The following NAV3 variants were observed in gnomAD, a reference collection of about 807,000 sequenced individuals.
NAV3 encodes the protein pore membrane and/or filament interacting like protein 1.
NAV3 carries 87 observed loss-of-function variants against 244.7 expected under a neutral mutation model. The observed-to-expected ratio is 0.36, with a 90% CI of 0.30 to 0.42. The LOEUF is 0.42. Among genes scored for constraint, NAV3 ranks in the 20% least tolerant of loss-of-function variants. The pLI, the probability that NAV3 is intolerant of heterozygous loss-of-function variation, is 1.00. For missense variants in NAV3, 2,663 were observed against 2,893.3 expected (o/e 0.92, Z 1.83); for synonymous variants, 1,126 against 1,042.2 (o/e 1.08, Z -1.55).
At chr12:78,073,746 C>CA (rs997979688) in intron 12 of NAV3, among the ~76,000 whole-genome samples, 3 of 151,800 alleles carry the variant, frequency 2.0e-5, no homozygotes, top group African/African-American at 7.3e-5. Flanking sequence ...AATCCTAAGC[C>CA]AAAAAAACAA....
intron 20 of NAV3, among the ~76,000 whole-genome samples, chr12:78,145,963 A>G (rs118184265): frequency 0.04 from 6,069 of 152,138 alleles, 195 homozygotes; most frequent in South Asian, 0.13. Context: ...AGGTCTCTAT[A>G]ATTTTATGGA....
chr12:78,107,402 C>T (rs1247309432), intron 12 of NAV3, among the ~76,000 whole-genome samples: 1 of 152,062 alleles, frequency 6.6e-6, no homozygotes, highest in African/African-American at 2.4e-5. Flanking sequence ...GCTCAATGGT[C>T]CCCAGGCCGA....
chr12:78,136,393 C>G (rs544592930), intron 18 of NAV3, among the ~76,000 whole-genome samples: 1 of 152,136 alleles, frequency 6.6e-6, no homozygotes. Flanking sequence ...TCAACCAAAT[C>G]TTTCCTTAAA....
At chr12:77,586,092 G>T (rs922666782) in intron 2 of NAV3, among the ~76,000 whole-genome samples, 2 of 152,088 alleles carry the variant, frequency 1.3e-5, no homozygotes, top group African/African-American at 4.8e-5. Flanking sequence ...AACCCGGGAG[G>T]CGGAGCTTGC....
intron 2 of NAV3, among the ~76,000 whole-genome samples, chr12:77,785,642 T>C (rs1254146507): frequency 2.6e-5 from 4 of 152,104 alleles, no homozygotes; most frequent in African/African-American, 9.7e-5. Flanking sequence ...AACAAGAACA[T>C]TGCAGATATC....
chr12:77,703,173 C>A (rs540999219), intron 2 of NAV3, among the ~76,000 whole-genome samples: 1 of 152,150 alleles, frequency 6.6e-6, no homozygotes, highest in African/African-American at 2.4e-5. Flanking sequence ...TCTCAGACAT[C>A]TTTGAAGCCA....
At chr12:77,997,402 T>C (rs895529109) in intron 6 of NAV3, among the ~76,000 whole-genome samples, 1 of 152,116 alleles carries the variant, frequency 6.6e-6, no homozygotes, top group African/African-American at 2.4e-5. Context: ...GTCATTGAAA[T>C]TTTAAAGTGG....
At position 78,211,315 on chromosome 12, in the gene NAV3, C is replaced by T. The variant is rs1473952835; in HGVS notation, c.*798C>T. The T allele has an allele frequency of 6.6e-6, 1 of 152,544 alleles. No individual in the cohort carries two copies. The highest frequency in any genetic ancestry group is 1.5e-5 in the Non-Finnish European group (1 of 68,024). The allele number at this position is 152,544 out of a possible 1,614,324, so 9.4% of individuals were successfully genotyped here. On this transcript the variant is annotated 3_prime_UTR_variant, in exon 40 of 40. Coordinates refer to ENST00000397909, the MANE Select transcript of NAV3 (RefSeq NM_001024383.2). The stretch of plus-strand genomic sequence containing the variant: ...TGAGCCTTTTCAGTGAAAGAAGGAA[C>T]ATTTCCTATGGTGCTGTCTCACTGC...
intron 2 of NAV3, among the ~76,000 whole-genome samples, chr12:77,753,072 T>A (rs2135806081): frequency 6.6e-6 from 1 of 152,268 alleles, no homozygotes. Flanking sequence ...TATGAATAAT[T>A]TAGGTTTTGT....
At chr12:77,934,982 A>G (rs911422527) in intron 1 of NAV3, among the ~76,000 whole-genome samples, 1 of 152,088 alleles carries the variant, frequency 6.6e-6, no homozygotes, top group Non-Finnish European at 1.5e-5. Flanking sequence ...TCTTTCCCCT[A>G]TCACTTCTCC....
chr12:77,839,707 T>C (rs929356626), intron 1 of NAV3, among the ~76,000 whole-genome samples: 3 of 152,114 alleles, frequency 2.0e-5, no homozygotes, highest in Non-Finnish European at 2.9e-5. Flanking sequence ...GTGCATAAAA[T>C]TAATAATTGG....
chr12:77,673,378 A>G lies in NAV3; in HGVS notation c.72+101112A>G, dbSNP rs1201617015. ...ATTTCTTATTATAGTATATATAGTA[A>G]TTTCTTCTTATTCACTGAAAGGAGA... On this transcript the variant is annotated intron_variant, in intron 2 of 8. Coordinates refer to the NAV3 transcript ENST00000550042. Among the ~76,000 whole-genome samples the G allele has an allele frequency of 2.6e-5, 4 of 152,122 alleles. No homozygotes were observed. The East Asian group carries it at 7.7e-4, about 29-fold the overall frequency.
chr12:77,846,641 G>T (rs1298356677), intron 1 of NAV3, among the ~76,000 whole-genome samples: 1 of 152,098 alleles, frequency 6.6e-6, no homozygotes, highest in South Asian at 2.1e-4. Flanking sequence ...AGTAGTTGGA[G>T]ATCTCATATT....
chr12:77,842,616 T>C (rs1033789363), intron 1 of NAV3, among the ~76,000 whole-genome samples: 2 of 151,068 alleles, frequency 1.3e-5, no homozygotes, highest in Non-Finnish European at 2.9e-5. Flanking sequence ...GTGTCCTCTC[T>C]CTTGGCTTGG....
chr12:77,963,952 C>T (rs1388974249), intron 3 of NAV3, among the ~76,000 whole-genome samples: 2 of 139,748 alleles, frequency 1.4e-5, no homozygotes, highest in Non-Finnish European at 3.1e-5. Context: ...CCTCCTCCTC[C>T]TTCCTCCTCC....
chr12:78,059,001 T>C lies in NAV3; in HGVS notation c.2522T>C (p.Met841Thr). The C allele has an allele frequency of 1.3e-6, 2 of 1,599,818 alleles. No individual in the cohort carries two copies. The highest frequency in any genetic ancestry group is 1.7e-6 in the Non-Finnish European group (2 of 1,174,440). Reference sequence around the variant, plus strand: ...AATTAGACATTTCTTTTCAGGTACATGACAGATGGAGGACTTAACCTATAT... The same window carrying C: ...AATTAGACATTTCTTTTCAGGTACACGACAGATGGAGGACTTAACCTATAT... The part of the protein sequence containing the change: ...LRTDDINSGY[M>T]TDGGLNLYTR... Residue 841 changes from methionine (M) to threonine (T), a missense_variant, in exon 12 of 40, where the codon ATG becomes ACG. Physicochemically the swap from Met to Thr is moderately conservative, Grantham distance 81 (BLOSUM62 -1). Transcript: ENST00000397909.
intron 2 of NAV3, among the ~76,000 whole-genome samples, chr12:77,592,627 C>A (rs17043940): frequency 0.029 from 4,391 of 152,236 alleles, 219 homozygotes; most frequent in African/African-American, 0.1. Flanking sequence ...TGCAGCTTAG[C>A]AGTTGTTACT....
At chr12:77,827,236 C>CAA (rs10615824), upstream of NAV3, among the ~76,000 whole-genome samples, 231 of 68,508 alleles carry the variant, frequency 3.4e-3, 3 homozygotes, top group African/African-American at 9.4e-3. Flanking sequence ...ACTCTGTCTC[C>CAA]AAAAAAAAAA....
intron 13 of NAV3, among the ~76,000 whole-genome samples, chr12:78,117,688 A>G (rs1223570552): frequency 6.6e-6 from 1 of 151,888 alleles, no homozygotes; most frequent in Admixed American, 6.6e-5. Context: ...GATCTCTGAA[A>G]TATATCACTG....
Sources: gnomAD v4.1 joint callset for allele counts (sites outside exome capture counted in the v4.1 genomes callset) on GRCh38, gnomAD v4.1.1 for gene constraint, MANE v1.5 for transcripts, NCBI Gene and HGNC (gene_info 2026-07-23, HGNC 2026-07-21) for gene names.